ASNS: variants seen among roughly 807,000 people sequenced by gnomAD.
ASNS encodes asparagine synthetase [glutamine-hydrolyzing].
ASNS carries 37 observed loss-of-function variants against 62.6 expected under a neutral mutation model. The ratio of observed to expected loss-of-function variants is 0.59; its 90% CI spans 0.45 to 0.78. The LOEUF (loss-of-function observed/expected upper bound fraction) is 0.78. Among genes scored for constraint, ASNS ranks in the 30% least tolerant of loss-of-function variants. The pLI is 0.00. For missense variants in ASNS, 520 were observed against 682.4 expected, an observed-to-expected ratio of 0.76 and a Z score of 2.65; for synonymous variants, 207 against 237.9, an observed-to-expected ratio of 0.87 and a Z score of 1.19.
At chr7:97,916,839 G>A in the ASNS span, among the ~76,000 whole-genome samples, 1 of 152,228 alleles carries the variant, frequency 6.6e-6, no homozygotes, top group Non-Finnish European at 1.5e-5. Context: ...CCAGATGGGG[G>A]CGGATGGGAT....
At chr7:97,902,260 G>A in the ASNS span, among the ~76,000 whole-genome samples, 8 of 152,190 alleles carry the variant, frequency 5.3e-5, no homozygotes, top group African/African-American at 1.9e-4. Flanking sequence ...GTGGCCCCTG[G>A]TGCTCATTTC....
the ASNS span, among the ~76,000 whole-genome samples, chr7:97,879,237 C>T: frequency 6.6e-6 from 1 of 152,108 alleles, no homozygotes; most frequent in Non-Finnish European, 1.5e-5. Flanking sequence ...TAGGCATGGG[C>T]AAGGACTTCA....
At chr7:97,857,114 T>C (rs1791478831) in intron 7 of ASNS, among the ~76,000 whole-genome samples, 1 of 152,154 alleles carries the variant, frequency 6.6e-6, no homozygotes, top group African/African-American at 2.4e-5. Flanking sequence ...ACCCACCTCA[T>C]CTCTCTCTAG....
the ASNS span, among the ~76,000 whole-genome samples, chr7:97,918,018 T>G: frequency 1.2e-3 from 185 of 152,272 alleles, no homozygotes; most frequent in African/African-American, 4.3e-3. Flanking sequence ...TTGCCAGGAT[T>G]GTTTGAGAAA....
the ASNS span, among the ~76,000 whole-genome samples, chr7:97,905,834 A>C: frequency 1.3e-5 from 2 of 152,208 alleles, no homozygotes; most frequent in South Asian, 4.1e-4. Context: ...CCAGGTGTTT[A>C]ACATATAATC....
the ASNS span, among the ~76,000 whole-genome samples, chr7:97,899,687 T>C: frequency 3.3e-5 from 5 of 152,222 alleles, no homozygotes; most frequent in Non-Finnish European, 7.3e-5. Context: ...TGAAATCATG[T>C]AGAATGTGAT....
the ASNS span, among the ~76,000 whole-genome samples, chr7:97,895,683 T>C: frequency 6.6e-6 from 1 of 152,026 alleles, no homozygotes; most frequent in Non-Finnish European, 1.5e-5. Flanking sequence ...CCCAGCTACT[T>C]GGGAGGCTGA....
intron 5 of ASNS, 98 bp downstream of exon 5, chr7:97,859,115 G>A (rs1350108900): frequency 6.8e-7 from 1 of 1,475,694 alleles, no homozygotes; most frequent in Non-Finnish European, 9.1e-7. Flanking sequence ...ATAGGAAGTA[G>A]GTCTTGAAAC....
At chr7:97,912,806 T>C in the ASNS span, among the ~76,000 whole-genome samples, 1 of 151,552 alleles carries the variant, frequency 6.6e-6, no homozygotes, top group Admixed American at 6.6e-5. Context: ...GGTATCAAAC[T>C]CCTGGCCTCA....
the ASNS span, among the ~76,000 whole-genome samples, chr7:97,924,962 C>T: frequency 6.6e-6 from 1 of 152,074 alleles, no homozygotes; most frequent in African/African-American, 2.4e-5. Flanking sequence ...CATGGTGAAA[C>T]CCCATCTCTA....
At chr7:97,893,119 T>C in the ASNS span, among the ~76,000 whole-genome samples, 7 of 152,258 alleles carry the variant, frequency 4.6e-5, no homozygotes, top group Admixed American at 2.0e-4. Flanking sequence ...AGTCACATCT[T>C]ACAGGGATGG....
chr7:97,896,652 A>ATGTATATGTG, the ASNS span, among the ~76,000 whole-genome samples: 1 of 137,184 alleles, frequency 7.3e-6, no homozygotes, highest in Non-Finnish European at 1.6e-5. Context: ...ATATGTGTAT[A>ATGTATATGTG]TATACGTATA....
In ASNS at chr7:97,853,040, T is replaced by C. The variant is rs1791257351; in HGVS notation, c.1476+20A>G. On this transcript the variant is annotated intron_variant, in intron 12 of 12. Coordinates refer to ENST00000394308, the MANE Select transcript of ASNS (RefSeq NM_001673.5). ...ATCCAAACTGTCTTATTCCTGAAAA[T>C]GTTTTTAAAGACATTATACCTGATG... 6.6e-7 allele frequency: 1 copy of C among 1,526,144 alleles called. No individual in the cohort carries two copies. The highest frequency in any genetic ancestry group is 1.3e-5 in the South Asian group (1 of 76,956). 94.5% of individuals were successfully genotyped at this position (1,526,144 alleles called of 1,614,324 possible).
At chr7:97,918,542 A>G in the ASNS span, among the ~76,000 whole-genome samples, 1 of 152,254 alleles carries the variant, frequency 6.6e-6, no homozygotes, top group East Asian at 1.9e-4. Flanking sequence ...AATGTCAAAG[A>G]CATGCTGCCT....
the ASNS span, among the ~76,000 whole-genome samples, chr7:97,883,279 T>C: frequency 2.0e-5 from 3 of 152,158 alleles, no homozygotes; most frequent in Non-Finnish European, 2.9e-5. Context: ...AAAAAAATAC[T>C]GCAAATGGCC....
chr7:97,878,058 C>T, the ASNS span, among the ~76,000 whole-genome samples: 6 of 152,136 alleles, frequency 3.9e-5, no homozygotes, highest in Non-Finnish European at 8.8e-5. Context: ...CAGGTGATGG[C>T]GTAGGATGCA....
At chr7:97,920,676 A>G in the ASNS span, among the ~76,000 whole-genome samples, 1 of 152,392 alleles carries the variant, frequency 6.6e-6, no homozygotes, top group East Asian at 1.9e-4. Context: ...CTGTCACCTC[A>G]GTGCAGTTGC....
the ASNS span, among the ~76,000 whole-genome samples, chr7:97,880,742 A>G: frequency 6.6e-6 from 1 of 152,210 alleles, no homozygotes; most frequent in Non-Finnish European, 1.5e-5. Flanking sequence ...CAGGCTAGAA[A>G]ACAACAGAAG....
At chr7:97,856,904 T>C (rs1791467617) in intron 7 of ASNS, 88 bp from the exon 8 acceptor site, 3 of 1,311,860 alleles carry the variant, frequency 2.3e-6, no homozygotes, top group African/African-American at 1.5e-5. Flanking sequence ...CAAAGCTTTA[T>C]GAATTAACAA....
Sources: allele counts gnomAD v4.1 joint callset (sites outside exome capture counted in the v4.1 genomes callset), GRCh38; gene constraint gnomAD v4.1.1; transcripts MANE v1.5; gene names NCBI Gene and HGNC (gene_info 2026-07-23, HGNC 2026-07-21).